EVA1A: variants seen among roughly 807,000 people sequenced by gnomAD.
EVA1A encodes protein eva-1 homolog A.
Under a neutral mutation model 9.8 loss-of-function variants are expected in EVA1A, and 7 were observed. That is an observed-to-expected ratio of 0.71 (90% confidence interval 0.41 to 1.34). EVA1A has a LOEUF of 1.34. Among genes scored for constraint, EVA1A ranks in the 40% most tolerant of loss-of-function variants. The pLI is 0.01. For synonymous variants in EVA1A, 90 were observed against 85.6 expected, an observed-to-expected ratio of 1.05 and a Z score of -0.28; for missense variants, 206 against 205.9, an observed-to-expected ratio of 1.00 and a Z score of 0.00.
intron 1 of EVA1A, among the ~76,000 whole-genome samples, chr2:75,546,073 A>G (rs1676318344): frequency 1.3e-5 from 2 of 152,132 alleles, no homozygotes; most frequent in African/African-American, 4.8e-5. Context: ...AGGGAAAGTG[A>G]GAGAGGAAAC....
rs759574457 is a variant in EVA1A, at chr2:75,493,266, G to C, written c.429C>G (p.Pro143=). The C allele has an allele frequency of 3.0e-5, 49 of 1,613,378 alleles. No homozygotes were observed. The highest frequency in any genetic ancestry group is 3.8e-5 in the Non-Finnish European group (45 of 1,179,754). Residue 143 remains proline, a synonymous_variant, in exon 4 of 4, where the codon CCC becomes CCG. Coordinates refer to ENST00000393913, the MANE Select transcript of EVA1A (RefSeq NM_001135032.2). The part of the protein sequence containing the change: ...EIWMNGQPEV[P]GTRSLNRYY ...AGTAGCGATTCAGGCTCCTGGTCCC[G>C]GGCACCTCAGGCTGGCCATTCATCC...
intron 1 of EVA1A, among the ~76,000 whole-genome samples, chr2:75,553,964 G>A (rs1676614215): frequency 6.6e-6 from 1 of 152,240 alleles, no homozygotes; most frequent in South Asian, 2.1e-4. Context: ...GTGGCACTCA[G>A]GATGGGGGAA....
intron 1 of EVA1A, among the ~76,000 whole-genome samples, chr2:75,538,004 G>C (rs994835970): frequency 6.6e-6 from 1 of 152,118 alleles, no homozygotes; most frequent in Admixed American, 6.5e-5. Flanking sequence ...AAACTAGTGA[G>C]TTTAGCCAGG....
At chr2:75,557,688 A>C (rs1183053543) in intron 1 of EVA1A, among the ~76,000 whole-genome samples, 1 of 152,140 alleles carries the variant, frequency 6.6e-6, no homozygotes, top group Non-Finnish European at 1.5e-5. Flanking sequence ...CCCCCATCCC[A>C]AAAAAGTTAA....
rs1258725548 is a variant in EVA1A at position 75,493,525 on chromosome 2, A to T, written c.170T>A (p.Ile57Asn). The change falls in exon 4 of 4, where the codon ATC becomes AAC. Residue 57 changes from isoleucine (I) to asparagine (N), a missense_variant. Transcript: ENST00000393913. Reference protein sequence around the residue: ...VLTLAALVIRISCHTDCRRRP... With the variant: ...VLTLAALVIRNSCHTDCRRRP... Reference sequence around the variant, plus strand: ...CCGCCTGCAGTCTGTGTGGCAAGAGATCCTTATCACCAGAGCAGCCAGGGT... The same window carrying T: ...CCGCCTGCAGTCTGTGTGGCAAGAGTTCCTTATCACCAGAGCAGCCAGGGT... The T allele has an allele frequency of 1.9e-6, 3 of 1,614,178 alleles. No individual in the cohort carries two copies. In the Admixed American group the frequency reaches 5.0e-5, roughly 27 times the overall value.
rs201999220 is a variant in EVA1A, at chr2:75,517,098, G to A, written c.85+958C>T. On this transcript the variant is annotated intron_variant, in intron 3 of 3. Coordinates refer to ENST00000393913, the MANE Select transcript of EVA1A (RefSeq NM_001135032.2). ...TTTTTTTTCTGAAATCAGGTTGCGC[G>A]TCATCCAAGATCCTCTTACAAAGAG... Among the ~76,000 whole-genome samples, 24 of 151,884 alleles carry A rather than the reference G, an allele frequency of 1.6e-4. No homozygotes were observed. The East Asian group carries it at 3.5e-3, about 22-fold the overall frequency.
At chr2:75,526,661 A>C (rs1387567671) in intron 1 of EVA1A, among the ~76,000 whole-genome samples, 1 of 152,234 alleles carries the variant, frequency 6.6e-6, no homozygotes, top group East Asian at 1.9e-4. Context: ...AGACAGAAGG[A>C]AGAGCAGGAG....
At chr2:75,518,006 G>A in intron 3 of EVA1A, 50 bp downstream of exon 3, 1 of 1,609,304 alleles carries the variant, frequency 6.2e-7, no homozygotes, top group Non-Finnish European at 8.5e-7. Flanking sequence ...AGACAACCTT[G>A]GACCCAGCCC....
chr2:75,535,017 G>A (rs1675824860), intron 1 of EVA1A, among the ~76,000 whole-genome samples: 1 of 152,006 alleles, frequency 6.6e-6, no homozygotes, highest in East Asian at 1.9e-4. Context: ...CCTTTCCCTA[G>A]TTTATGTTTT....
At chr2:75,505,077 C>T (rs1291539280) in intron 3 of EVA1A, among the ~76,000 whole-genome samples, 2 of 152,220 alleles carry the variant, frequency 1.3e-5, no homozygotes, top group Non-Finnish European at 2.9e-5. Flanking sequence ...TTTTCTTCCC[C>T]TGCAAGGGAA....
At chr2:75,517,569 C>T (rs1675057238) in intron 3 of EVA1A, among the ~76,000 whole-genome samples, 1 of 152,176 alleles carries the variant, frequency 6.6e-6, no homozygotes, top group Non-Finnish European at 1.5e-5. Context: ...CTCTTCCATA[C>T]TCCGCATGCC....
intron 3 of EVA1A, among the ~76,000 whole-genome samples, chr2:75,515,346 A>G (rs1674966292): frequency 6.6e-6 from 1 of 152,238 alleles, no homozygotes. Context: ...GTCCAGAAGT[A>G]AACAGGGAGA....
intron 1 of EVA1A, among the ~76,000 whole-genome samples, chr2:75,538,804 T>C (rs1347944238): frequency 1.3e-5 from 2 of 152,182 alleles, no homozygotes; most frequent in African/African-American, 4.8e-5. Context: ...ATTATAGAAA[T>C]AGGGAATAAA....
At chr2:75,530,878 A>G (rs1290872722) in intron 1 of EVA1A, among the ~76,000 whole-genome samples, 2 of 152,116 alleles carry the variant, frequency 1.3e-5, no homozygotes, top group Non-Finnish European at 2.9e-5. Context: ...CTTCAATTAA[A>G]CATAGTACTG....
At chr2:75,557,892 T>C (rs1280725145) in intron 1 of EVA1A, among the ~76,000 whole-genome samples, 1 of 152,266 alleles carries the variant, frequency 6.6e-6, no homozygotes. Context: ...CCAATGGACT[T>C]AGGCTCTCAT....
At chr2:75,531,674 C>T (rs1381948921) in intron 1 of EVA1A, among the ~76,000 whole-genome samples, 1 of 152,094 alleles carries the variant, frequency 6.6e-6, no homozygotes, top group East Asian at 1.9e-4. Flanking sequence ...GAAAACCATA[C>T]ATTGTATGTT....
At chr2:75,502,156 G>A (rs983876568) in intron 3 of EVA1A, among the ~76,000 whole-genome samples, 8 of 152,196 alleles carry the variant, frequency 5.3e-5, no homozygotes, top group African/African-American at 1.9e-4. Context: ...ATGTTAGTAG[G>A]TTAGAAATAA....
chr2:75,511,305 A>G lies in EVA1A; in HGVS notation c.85+6751T>C, dbSNP rs369340751. Among the ~76,000 whole-genome samples the G allele has an allele frequency of 3.3e-5, 5 of 152,186 alleles. No homozygotes were observed. In the East Asian group the frequency reaches 5.8e-4, roughly 18 times the overall value. ...TTTGGGGCACTTACTCTACAACAGC[A>G]CTTGAACATACATGTCATAGTTATT... On this transcript the variant is annotated intron_variant, in intron 3 of 3. Transcript: ENST00000393913.
chr2:75,518,055 C>T lies in EVA1A; in HGVS notation c.85+1G>A. ...TGGCCCAGTGGAAACCAGGCACCTA[C>T]CTGAGACAAAGGAATAGGCCGCTAG... On this transcript the variant is annotated splice_donor_variant, in intron 3 of 3. Transcript: ENST00000393913. LOFTEE classifies it high-confidence loss of function. 1 of 1,614,044 alleles carries T rather than the reference C, an allele frequency of 6.2e-7. No homozygotes were observed. The highest frequency in any genetic ancestry group is 8.5e-7 in the Non-Finnish European group (1 of 1,179,968).
Sources: allele counts gnomAD v4.1 joint callset (sites outside exome capture counted in the v4.1 genomes callset), GRCh38; gene constraint gnomAD v4.1.1; transcripts MANE v1.5; gene names NCBI Gene and HGNC (gene_info 2026-07-23, HGNC 2026-07-21).